Variants in ASPH observed in about 807,000 individuals in gnomAD.
ASPH encodes aspartate beta-hydroxylase, also known as aspartyl/asparaginyl beta-hydroxylase.
Under a neutral mutation model 118.4 loss-of-function variants are expected in ASPH, and 100 were observed. The observed-to-expected ratio is 0.84, with a 90% confidence interval of 0.72 to 1.00. The LOEUF is 1.00. Among genes scored for constraint, ASPH ranks in the 50% least tolerant of loss-of-function variants. The pLI, the probability that ASPH is intolerant of heterozygous loss-of-function variation, is 0.00. For missense variants in ASPH, 920 were observed against 919.5 expected (o/e 1.00, Z -0.01); for synonymous variants, 315 against 325.6 (o/e 0.97, Z 0.35).
intron 21 of ASPH, among the ~76,000 whole-genome samples, chr8:61,529,360 A>C (rs1816704765): frequency 6.6e-6 from 1 of 152,230 alleles, no homozygotes; most frequent in South Asian, 2.1e-4. Flanking sequence ...TTAGAGAGCA[A>C]CATGCTCCCT....
intron 24 of ASPH, among the ~76,000 whole-genome samples, chr8:61,509,305 C>T (rs1368430719): frequency 6.6e-6 from 1 of 152,210 alleles, no homozygotes; most frequent in African/African-American, 2.4e-5. Flanking sequence ...ACTCCAATGG[C>T]TACTCCATAG....
intron 14 of ASPH, among the ~76,000 whole-genome samples, chr8:61,592,106 G>A (rs1332333786): frequency 6.6e-6 from 1 of 152,170 alleles, no homozygotes; most frequent in Non-Finnish European, 1.5e-5. Context: ...CGCTACTTCT[G>A]AGGCAGCTTG....
chr8:61,546,027 C>G (rs1366738073), intron 21 of ASPH, among the ~76,000 whole-genome samples: 1 of 152,182 alleles, frequency 6.6e-6, no homozygotes, highest in Admixed American at 6.5e-5. Flanking sequence ...ACTGTGAGTG[C>G]CCATGAGACA....
intron 21 of ASPH, among the ~76,000 whole-genome samples, chr8:61,537,647 T>C (rs1216282492): frequency 6.6e-6 from 1 of 152,124 alleles, no homozygotes; most frequent in East Asian, 1.9e-4. Context: ...AAAGGGCATA[T>C]GCATATTTAA....
intron 15 of ASPH, 68 bp downstream of exon 15, chr8:61,583,876 T>TTA: frequency 4.3e-6 from 5 of 1,152,248 alleles, no homozygotes; most frequent in Admixed American, 5.0e-5. Context: ...TTTTTTTTTT[T>TTA]AACAAATCAA....
chr8:61,578,071 A>G, intron 15 of ASPH: 3 of 880,458 alleles, frequency 3.4e-6, no homozygotes, highest in Non-Finnish European at 5.0e-6. Context: ...TCAAAAGCAA[A>G]TCAGTTACTT....
At chr8:61,572,229 G>A (rs1833671221) in intron 16 of ASPH, among the ~76,000 whole-genome samples, 2 of 152,056 alleles carry the variant, frequency 1.3e-5, no homozygotes, top group African/African-American at 4.8e-5. Flanking sequence ...TCTCCATAGG[G>A]GTGCTGTCAG....
intron 14 of ASPH, among the ~76,000 whole-genome samples, chr8:61,586,819 C>G (rs916423636): frequency 6.6e-6 from 1 of 152,190 alleles, no homozygotes; most frequent in African/African-American, 2.4e-5. Context: ...AATCCACTTG[C>G]TGAGTTGGTA....
chr8:61,530,860 G>C (rs1260925650), intron 21 of ASPH, among the ~76,000 whole-genome samples: 1 of 151,974 alleles, frequency 6.6e-6, no homozygotes, highest in Non-Finnish European at 1.5e-5. Context: ...TATCTAAATA[G>C]CCTGTTATAT....
intron 24 of ASPH, among the ~76,000 whole-genome samples, chr8:61,505,015 T>G (rs1805891138): frequency 6.6e-6 from 1 of 151,922 alleles, no homozygotes; most frequent in African/African-American, 2.4e-5. Context: ...CCAAATCTCA[T>G]CTTGAATTGT....
At chr8:61,664,336 G>A in intron 3 of ASPH, 1 of 973,016 alleles carries the variant, frequency 1.0e-6, no homozygotes, top group Non-Finnish European at 1.2e-6. Context: ...TGGAAAAAAA[G>A]TGTGATATAA....
chr8:61,706,783 T>C (rs28793942), intron 1 of ASPH, among the ~76,000 whole-genome samples: 7,512 of 152,264 alleles, frequency 0.049, 269 homozygotes, highest in African/African-American at 0.1. Flanking sequence ...TAGTGAGCAA[T>C]TCAGTTTGGT....
At chr8:61,601,411 G>C (rs1228322782) in intron 14 of ASPH, among the ~76,000 whole-genome samples, 1 of 150,774 alleles carries the variant, frequency 6.6e-6, no homozygotes, top group Non-Finnish European at 1.5e-5. Flanking sequence ...CGTGGTGGCG[G>C]GTGCCTGTAA....
At chr8:61,579,252 G>A (rs1454092503) in intron 15 of ASPH, 1 of 1,614,040 alleles carries the variant, frequency 6.2e-7, no homozygotes, top group African/African-American at 1.3e-5. Flanking sequence ...TGGAGAGCTG[G>A]CCATTAAGGA....
At chr8:61,687,275 T>A (rs775202616) in intron 1 of ASPH, 2 of 152,182 alleles carry the variant, frequency 1.3e-5, no homozygotes, top group Non-Finnish European at 2.9e-5. Flanking sequence ...ATTTAAGTTA[T>A]TGACTGTAAC....
intron 3 of ASPH, chr8:61,656,307 C>T (rs760707266): frequency 6.6e-6 from 1 of 152,176 alleles, no homozygotes; most frequent in African/African-American, 2.4e-5. Flanking sequence ...TCTAACTAAA[C>T]AAGAAGTGCG....
intron 20 of ASPH, 82 bp from the exon 21 acceptor site, chr8:61,548,290 A>G: frequency 7.0e-7 from 1 of 1,432,086 alleles, no homozygotes; most frequent in Non-Finnish European, 9.3e-7. Flanking sequence ...AACATTAAAA[A>G]TAAGGTATTA....
chr8:61,569,023 T>G (rs1832678113), intron 16 of ASPH, among the ~76,000 whole-genome samples: 2 of 151,818 alleles, frequency 1.3e-5, no homozygotes, highest in African/African-American at 2.4e-5. Context: ...ACACAAAAAT[T>G]AGAGGGATGT....
intron 15 of ASPH, chr8:61,578,267 C>T (rs1836031944): frequency 9.5e-6 from 15 of 1,582,636 alleles, no homozygotes; most frequent in South Asian, 2.2e-5. Context: ...CCACCTCTGG[C>T]CCCCGGGCCT....
Sources: allele counts gnomAD v4.1 joint callset (sites outside exome capture counted in the v4.1 genomes callset), GRCh38; gene constraint gnomAD v4.1.1; transcripts MANE v1.5; gene names NCBI Gene and HGNC (gene_info 2026-07-23, HGNC 2026-07-21).